TOGARAM2: variants seen among roughly 807,000 people sequenced by gnomAD.
TOGARAM2 encodes the protein TOG array regulator of axonemal microtubules 2.
A neutral mutation model predicts 93.3 loss-of-function variants in TOGARAM2; 85 were observed. That is an observed-to-expected ratio of 0.91 (90% CI 0.76 to 1.09). TOGARAM2 has a LOEUF of 1.09. Among genes scored for constraint, TOGARAM2 ranks in the 50% least tolerant of loss-of-function variants. The pLI, the probability that TOGARAM2 is intolerant of heterozygous loss-of-function variation, is 0.00. For missense variants in TOGARAM2, 1,277 were observed against 1,334.5 expected, an observed-to-expected ratio of 0.96 and a Z score of 0.67; for synonymous variants, 593 against 552.8, an observed-to-expected ratio of 1.07 and a Z score of -1.02.
At chr2:28,992,059 G>A (rs138911076) in intron 1 of TOGARAM2, among the ~76,000 whole-genome samples, 10 of 152,264 alleles carry the variant, frequency 6.6e-5, no homozygotes, top group African/African-American at 2.2e-4. Context: ...GGAGAGTAGC[G>A]CCTTAGTGTC....
chr2:28,959,751 G>T (rs1444672428), intron 1 of TOGARAM2, among the ~76,000 whole-genome samples: 2 of 151,678 alleles, frequency 1.3e-5, no homozygotes, highest in African/African-American at 4.8e-5. Flanking sequence ...TCAAAAAAAA[G>T]AAAAAAAAGA....
intron 1 of TOGARAM2, among the ~76,000 whole-genome samples, chr2:28,957,290 G>T (rs906776532): frequency 2.0e-5 from 3 of 151,130 alleles, no homozygotes; most frequent in African/African-American, 7.3e-5. Flanking sequence ...TCTTCTCCCG[G>T]ATTCAAGCAA....
chr2:29,007,577 C>A (rs1398736995), intron 6 of TOGARAM2, among the ~76,000 whole-genome samples: 2 of 152,100 alleles, frequency 1.3e-5, no homozygotes, highest in Non-Finnish European at 2.9e-5. Context: ...AGCCAGTATC[C>A]TTGCAGCCCT....
chr2:29,041,538 C>A (rs190812739), intron 18 of TOGARAM2, among the ~76,000 whole-genome samples: 1 of 152,208 alleles, frequency 6.6e-6, no homozygotes, highest in African/African-American at 2.4e-5. Context: ...ATGTTTTCTA[C>A]GCTTTCTTAA....
chr2:28,981,238 G>A (rs1033316462), upstream of TOGARAM2: 11 of 152,268 alleles, frequency 7.2e-5, no homozygotes, highest in African/African-American at 2.7e-4. Flanking sequence ...CTCTCGGCTC[G>A]GTCTCTCCCC....
chr2:29,018,091 G>A (rs1664706666), intron 10 of TOGARAM2, 135 bp downstream of exon 10: 6 of 1,042,218 alleles, frequency 5.8e-6, no homozygotes, highest in South Asian at 1.7e-5. Flanking sequence ...GCAGCCTGGG[G>A]TGGTGGTTGC....
intron 18 of TOGARAM2, among the ~76,000 whole-genome samples, chr2:29,042,178 G>C (rs552025254): frequency 2.6e-5 from 4 of 152,248 alleles, no homozygotes; most frequent in Non-Finnish European, 4.4e-5. Flanking sequence ...TGAAAGGTGA[G>C]CCTTCACTCT....
chr2:28,974,225 T>G (rs1371222028), intron 1 of TOGARAM2, among the ~76,000 whole-genome samples: 3 of 150,434 alleles, frequency 2.0e-5, no homozygotes, highest in Non-Finnish European at 4.4e-5. Context: ...CCTCCTGGGT[T>G]CAAGTGATTC....
At chr2:29,006,339 T>TGTG (rs1663842614) in intron 6 of TOGARAM2, among the ~76,000 whole-genome samples, 1 of 141,408 alleles carries the variant, frequency 7.1e-6, no homozygotes, top group African/African-American at 2.8e-5. Context: ...CATGTGTGTG[T>TGTG]ATGTGTGTAT....
intron 6 of TOGARAM2, among the ~76,000 whole-genome samples, chr2:29,006,925 C>T (rs1448150064): frequency 7.9e-5 from 12 of 152,164 alleles, no homozygotes; most frequent in Admixed American, 7.9e-4. Context: ...TTCCTCTTAT[C>T]TCTTTACTCT....
intron 4 of TOGARAM2, 67 bp from the exon 5 acceptor site, chr2:29,002,469 T>A: frequency 2.1e-6 from 3 of 1,440,078 alleles, no homozygotes; most frequent in East Asian, 4.8e-5. Context: ...GTTGCTGGGG[T>A]CTGAATCCAC....
chr2:28,976,258 C>A (rs1010451784), intron 1 of TOGARAM2, among the ~76,000 whole-genome samples: 1 of 152,150 alleles, frequency 6.6e-6, no homozygotes, highest in African/African-American at 2.4e-5. Context: ...GTAGTCCCAG[C>A]TACTCAGGAG....
rs200703318 is a variant in TOGARAM2, at chr2:29,035,499, G to A, written c.2261G>A (p.Arg754His). Residue 754 changes from arginine (R) to histidine (H), a missense_variant, in exon 17 of 20, where the codon CGC becomes CAC. By Grantham distance (29) the Arg-to-His change is conservative. Transcript: ENST00000379558. Reference protein sequence around the residue: ...SCNGPRLVGLRSTLQGRGEMV... With the variant: ...SCNGPRLVGLHSTLQGRGEMV... ...AATGGCCCAAGGCTGGTGGGGCTGC[G>A]CTCCACACTGCAGGGCCGCGGGGAG... 1.5e-4 allele frequency: 228 copies of A among 1,506,328 alleles called. No homozygotes were observed. The highest frequency in any genetic ancestry group is 1.9e-4 in the Non-Finnish European group (213 of 1,124,170). 93.3% of individuals were successfully genotyped at this position (1,506,328 alleles called of 1,614,324 possible). A position where few individuals can be genotyped will look rare whatever the true frequency, so the allele number is the denominator to read the frequency against.
At chr2:28,987,195 C>T (rs1199315843) in intron 1 of TOGARAM2, among the ~76,000 whole-genome samples, 1 of 152,232 alleles carries the variant, frequency 6.6e-6, no homozygotes, top group Non-Finnish European at 1.5e-5. Context: ...TGGAAGCACA[C>T]TGTAGTACAT....
At chr2:28,969,482 G>T (rs1417194598) in intron 1 of TOGARAM2, among the ~76,000 whole-genome samples, 1 of 152,184 alleles carries the variant, frequency 6.6e-6, no homozygotes, top group East Asian at 1.9e-4. Flanking sequence ...GAAGACAGGA[G>T]GCCCAATGGG....
intron 6 of TOGARAM2, among the ~76,000 whole-genome samples, chr2:29,005,963 TTG>T (rs1323971392): frequency 2.1e-5 from 3 of 142,798 alleles, no homozygotes; most frequent in South Asian, 2.3e-4. Context: ...ATATGTGTAT[TTG>T]TGTGTGAGAC....
At chr2:29,026,434 C>T (rs1400281382) in intron 13 of TOGARAM2, among the ~76,000 whole-genome samples, 1 of 152,130 alleles carries the variant, frequency 6.6e-6, no homozygotes, top group African/African-American at 2.4e-5. Flanking sequence ...AAAGACAGCG[C>T]TACCTTGGGC....
intron 16 of TOGARAM2, among the ~76,000 whole-genome samples, chr2:29,034,156 A>G (rs1214465585): frequency 6.6e-6 from 1 of 151,714 alleles, no homozygotes; most frequent in Non-Finnish European, 1.5e-5. Context: ...CTTCCTGCCT[A>G]CTCTCCCACT....
At chr2:29,044,668 G>C (rs1467282246) in intron 18 of TOGARAM2, among the ~76,000 whole-genome samples, 1 of 151,968 alleles carries the variant, frequency 6.6e-6, no homozygotes, top group Admixed American at 6.6e-5. Flanking sequence ...AGCCTCTTGA[G>C]GGGGATGGGA....
Sources: allele counts gnomAD v4.1 joint callset (sites outside exome capture counted in the v4.1 genomes callset), GRCh38; gene constraint gnomAD v4.1.1; transcripts MANE v1.5; gene names NCBI Gene and HGNC (gene_info 2026-07-23, HGNC 2026-07-21).